Variants in CFAP95 observed in about 807,000 individuals in gnomAD.
The protein encoded by CFAP95 is cilia- and flagella-associated protein 95.
At chr9:69,849,286 GA>G in the CFAP95 span, among the ~76,000 whole-genome samples, 1 of 152,010 alleles carries the variant, frequency 6.6e-6, no homozygotes, top group Non-Finnish European at 1.5e-5. Flanking sequence ...AGTATTTGTG[GA>G]AGAAAGGGAA....
the CFAP95 span, among the ~76,000 whole-genome samples, chr9:69,836,343 G>T: frequency 6.6e-6 from 1 of 152,086 alleles, no homozygotes; most frequent in East Asian, 1.9e-4. Context: ...CTCTGTGGTT[G>T]GGGGCTGTCC....
chr9:69,829,664 C>T, the CFAP95 span, among the ~76,000 whole-genome samples: 1 of 152,166 alleles, frequency 6.6e-6, no homozygotes, highest in Non-Finnish European at 1.5e-5. Flanking sequence ...TACTTTTTCA[C>T]CAAGCTTGTT....
chr9:69,863,326 T>C, the CFAP95 span, among the ~76,000 whole-genome samples: 5 of 151,552 alleles, frequency 3.3e-5, no homozygotes, highest in African/African-American at 9.7e-5. Flanking sequence ...GGATAACTTA[T>C]GTTATATGGG....
At chr9:69,876,910 C>A in the CFAP95 span, among the ~76,000 whole-genome samples, 1 of 152,202 alleles carries the variant, frequency 6.6e-6, no homozygotes, top group Non-Finnish European at 1.5e-5. Context: ...GTTGGGATTA[C>A]AGGCATGAGC....
At chr9:69,859,421 T>A in the CFAP95 span, among the ~76,000 whole-genome samples, 2 of 152,188 alleles carry the variant, frequency 1.3e-5, no homozygotes, top group Admixed American at 6.5e-5. Flanking sequence ...ATGATAGCTT[T>A]AAAATTTTTT....
chr9:69,863,051 T>C, the CFAP95 span, among the ~76,000 whole-genome samples: 2 of 152,230 alleles, frequency 1.3e-5, no homozygotes, highest in Admixed American at 6.5e-5. Flanking sequence ...ACAGTTAAGA[T>C]GACACTATAG....
At chr9:69,904,997 A>G in the CFAP95 span, among the ~76,000 whole-genome samples, 199 of 152,236 alleles carry the variant, frequency 1.3e-3, 1 homozygote, top group African/African-American at 4.6e-3. Flanking sequence ...TTCTCTCCTG[A>G]GATTTTAAGC....
the CFAP95 span, among the ~76,000 whole-genome samples, chr9:69,840,260 G>A: frequency 6.6e-5 from 10 of 152,010 alleles, no homozygotes; most frequent in South Asian, 2.1e-4. Flanking sequence ...AACAAATGCC[G>A]GTAGCAAGGA....
the CFAP95 span, among the ~76,000 whole-genome samples, chr9:69,859,810 C>T: frequency 2.0e-5 from 3 of 152,148 alleles, no homozygotes; most frequent in Non-Finnish European, 4.4e-5. Flanking sequence ...TGGTAAAATC[C>T]ATTGCTCCTA....
At chr9:69,824,626 T>C in the CFAP95 span, among the ~76,000 whole-genome samples, 1 of 152,064 alleles carries the variant, frequency 6.6e-6, no homozygotes, top group Admixed American at 6.6e-5. Context: ...AGCATCATGC[T>C]AAGCACAAGA....
chr9:69,851,097 T>C, the CFAP95 span, among the ~76,000 whole-genome samples: 270 of 152,316 alleles, frequency 1.8e-3, no homozygotes, highest in African/African-American at 6.0e-3. Flanking sequence ...AATTTAACTC[T>C]TACAGAAACT....
chr9:69,836,600 G>A, the CFAP95 span, among the ~76,000 whole-genome samples: 1 of 150,046 alleles, frequency 6.7e-6, no homozygotes, highest in South Asian at 2.1e-4. Context: ...ATTAATAATG[G>A]CATTTAAAAA....
chr9:69,893,186 C>T, the CFAP95 span, among the ~76,000 whole-genome samples: 1 of 152,194 alleles, frequency 6.6e-6, no homozygotes, highest in Non-Finnish European at 1.5e-5. Context: ...GAGTTCTGCT[C>T]CTGCTGGTCA....
the CFAP95 span, chr9:69,902,471 GGT>G: frequency 3.2e-6 from 1 of 312,990 alleles, no homozygotes; most frequent in Admixed American, 4.7e-5. Context: ...CTCTTTGGTT[GGT>G]GTTTTTCTGA....
the CFAP95 span, among the ~76,000 whole-genome samples, chr9:69,897,484 C>T: frequency 6.6e-6 from 1 of 152,040 alleles, no homozygotes; most frequent in Non-Finnish European, 1.5e-5. Context: ...AGAGTTACTA[C>T]GTTCCAGAAG....
the CFAP95 span, among the ~76,000 whole-genome samples, chr9:69,861,532 G>A: frequency 6.6e-6 from 1 of 152,068 alleles, no homozygotes; most frequent in South Asian, 2.1e-4. Flanking sequence ...TGCTAAGGGA[G>A]GGGAGGGGCA....
the CFAP95 span, among the ~76,000 whole-genome samples, chr9:69,845,201 T>A: frequency 6.6e-6 from 1 of 152,214 alleles, no homozygotes. Flanking sequence ...ATTTATGGCA[T>A]AAGTAATTCC....
chr9:69,863,667 G>A, the CFAP95 span, among the ~76,000 whole-genome samples: 1 of 152,138 alleles, frequency 6.6e-6, no homozygotes, highest in African/African-American at 2.4e-5. Flanking sequence ...TCTCTGGGCT[G>A]TGTCTACGAC....
chr9:69,897,396 A>G, the CFAP95 span, among the ~76,000 whole-genome samples: 2 of 152,208 alleles, frequency 1.3e-5, no homozygotes, highest in Non-Finnish European at 2.9e-5. Context: ...AACATAAACC[A>G]TTATGCATTT....
Sources: allele counts gnomAD v4.1 joint callset (sites outside exome capture counted in the v4.1 genomes callset), GRCh38; gene constraint gnomAD v4.1.1; transcripts MANE v1.5; gene names NCBI Gene and HGNC (gene_info 2026-07-23, HGNC 2026-07-21).